TRPC4: variants seen among roughly 807,000 people sequenced by gnomAD.
The protein encoded by TRPC4 is transient receptor potential cation channel subfamily C member 4.
In TRPC4, 49 loss-of-function variants were observed where a neutral mutation model predicts 99.4. That is an observed-to-expected ratio of 0.49 (90% CI 0.39 to 0.63). The LOEUF is 0.63. Among genes scored for constraint, TRPC4 ranks in the 20% least tolerant of loss-of-function variants. The pLI is 0.00. For synonymous variants in TRPC4, 454 were observed against 425.9 expected (o/e 1.07, Z -0.81); for missense variants, 898 against 1,152.9 (o/e 0.78, Z 3.20).
intron 3 of TRPC4, among the ~76,000 whole-genome samples, chr13:37,714,035 GCTTC>G (rs778527036): frequency 1.3e-5 from 2 of 151,334 alleles, no homozygotes; most frequent in Admixed American, 6.6e-5. Flanking sequence ...ACCCAAGCTT[GCTTC>G]CTTCCTTCCT....
intron 1 of TRPC4, among the ~76,000 whole-genome samples, chr13:37,830,553 A>G (rs538620030): frequency 6.6e-6 from 1 of 151,698 alleles, no homozygotes; most frequent in Admixed American, 6.6e-5. Context: ...TCTCTACTAA[A>G]AATACAAAAT....
At chr13:37,820,083 A>G (rs919632491) in intron 1 of TRPC4, among the ~76,000 whole-genome samples, 2 of 152,036 alleles carry the variant, frequency 1.3e-5, no homozygotes, top group African/African-American at 2.4e-5. Flanking sequence ...AGATCCAAAT[A>G]AACTCAATCA....
rs566904287 is a variant in TRPC4, at chr13:37,698,104, T to C, written c.898-5769A>G. 5.2e-4 allele frequency among the ~76,000 whole-genome samples: 77 copies of C among 148,470 alleles called. No homozygotes were observed. The South Asian group carries it at 5.4e-3, about 10-fold the overall frequency. ...CCACCCCAGTATCTGATTCAGTAGG[T>C]ACAAGGTGAGGCCCTAAACTCTGCA... On this transcript the variant is annotated intron_variant, in intron 3 of 10. Transcript: ENST00000379705.
intron 6 of TRPC4, among the ~76,000 whole-genome samples, chr13:37,659,302 C>G (rs910099211): frequency 2.0e-4 from 30 of 152,108 alleles, no homozygotes; most frequent in African/African-American, 7.2e-4. Flanking sequence ...GCACCTCCCT[C>G]CCTCGCTTCC....
chr13:37,740,121 A>G (rs1955536340), intron 3 of TRPC4, among the ~76,000 whole-genome samples: 1 of 152,190 alleles, frequency 6.6e-6, no homozygotes, highest in Non-Finnish European at 1.5e-5. Context: ...CTTATGAGAC[A>G]GCAAGGATGC....
intron 3 of TRPC4, among the ~76,000 whole-genome samples, chr13:37,712,326 C>T (rs1033921891): frequency 6.6e-6 from 1 of 152,126 alleles, no homozygotes; most frequent in African/African-American, 2.4e-5. Flanking sequence ...TATAGAGCCC[C>T]TTTTATAGTG....
chr13:37,805,690 C>T (rs1042556545), intron 1 of TRPC4, among the ~76,000 whole-genome samples: 3 of 151,924 alleles, frequency 2.0e-5, no homozygotes. Flanking sequence ...ACTAAATACA[C>T]CCATAATTAT....
chr13:37,766,678 G>A (rs781277260), intron 2 of TRPC4, among the ~76,000 whole-genome samples: 17 of 151,520 alleles, frequency 1.1e-4, no homozygotes, highest in Admixed American at 2.0e-4. Context: ...CAGTAGACAT[G>A]TGGCTGGGTC....
chr13:37,699,051 A>G (rs376457016), intron 3 of TRPC4, among the ~76,000 whole-genome samples: 1 of 152,164 alleles, frequency 6.6e-6, no homozygotes, highest in Non-Finnish European at 1.5e-5. Flanking sequence ...GAGAAATCCC[A>G]TTGGGATTTG....
rs772035382 is a variant in TRPC4, at chr13:37,663,594, G to A, written c.1510C>T (p.Pro504Ser). 1 of 1,614,196 alleles carries A rather than the reference G, an allele frequency of 6.2e-7. No homozygotes were observed. The highest frequency in any genetic ancestry group is 1.1e-5 in the South Asian group (1 of 91,090). The change falls in exon 6 of 11, where the codon CCT becomes TCT. Residue 504 changes from proline (P) to serine (S), a missense_variant. Pro to Ser is a moderately conservative substitution (Grantham distance 74, BLOSUM62 -1). This residue lies in a region of TRPC4 where 274 missense variants were observed against 454.9 expected (regional missense o/e 0.60). Transcript: ENST00000379705. ...ATTCTTCCCAGAGATATTTGCAGAGGTCCCAGGTGAGAATTTGCAGTAAAC... is the reference window on the plus strand; with the variant it reads ...ATTCTTCCCAGAGATATTTGCAGAGATCCCAGGTGAGAATTTGCAGTAAAC... ...SLFTANSHLG[P>S]LQISLGRMLL...
rs369595209 is a variant in TRPC4, at chr13:37,792,814, A to G, written c.-27-9454T>C. 6.8e-4 allele frequency among the ~76,000 whole-genome samples: 104 copies of G among 152,088 alleles called. 1 individual carries two copies. Among genetic ancestry groups the G allele is most frequent in the Non-Finnish European group, 1.2e-3 (81 of 67,988 alleles). On this transcript the variant is annotated intron_variant, in intron 1 of 10. Transcript: ENST00000379705. ...AAAATGCTTAAATTTGGATGCATAT[A>G]TAGAATTTTTGATAAATATGTGATC... is the stretch of plus-strand genomic sequence containing the variant.
chr13:37,777,448 G>A lies in TRPC4; in HGVS notation c.378+5508C>T, dbSNP rs189293542. On this transcript the variant is annotated intron_variant, in intron 2 of 10. Transcript: ENST00000379705. The stretch of plus-strand genomic sequence containing the variant: ...GAAGTCTATCACAGGACAGCACTAG[G>A]GAGATGGTACTAAACCATTAGAAAT... 4.6e-4 allele frequency among the ~76,000 whole-genome samples: 70 copies of A among 151,954 alleles called. No individual in the cohort carries two copies. The East Asian group carries it at 0.013, about 28-fold the overall frequency.
intron 5 of TRPC4, among the ~76,000 whole-genome samples, chr13:37,669,261 G>A (rs1167852320): frequency 6.6e-6 from 1 of 152,140 alleles, no homozygotes; most frequent in Non-Finnish European, 1.5e-5. Context: ...AGATAAATAT[G>A]AGAAGTGTTA....
At chr13:37,862,646 AAT>A in intron 1 of TRPC4, among the ~76,000 whole-genome samples, 1 of 151,812 alleles carries the variant, frequency 6.6e-6, no homozygotes, top group East Asian at 1.9e-4. Context: ...ATCAGGAGAA[AAT>A]AAGGTTGCCA....
At chr13:37,686,392 G>A (rs1311987154) in intron 4 of TRPC4, among the ~76,000 whole-genome samples, 12 of 151,728 alleles carry the variant, frequency 7.9e-5, no homozygotes, top group Non-Finnish European at 2.9e-5. Context: ...ATACATATAT[G>A]TGTAAAAACC....
intron 2 of TRPC4, among the ~76,000 whole-genome samples, chr13:37,768,946 G>A (rs1013313797): frequency 6.6e-6 from 1 of 151,280 alleles, no homozygotes; most frequent in Admixed American, 6.6e-5. Flanking sequence ...AATTCATTTT[G>A]CTAGACAATT....
intron 3 of TRPC4, among the ~76,000 whole-genome samples, chr13:37,745,458 A>ATATGCGTATATATATATATATATGCG (rs1555265729): frequency 4.6e-4 from 3 of 6,584 alleles, no homozygotes; most frequent in African/African-American, 1.2e-3. Context: ...ATATATATAT[A>ATATGCGTATATATATATATATATGCG]TATATATATA....
At chr13:37,846,646 A>G in intron 1 of TRPC4, among the ~76,000 whole-genome samples, 1 of 51,110 alleles carries the variant, frequency 2.0e-5, no homozygotes, top group East Asian at 6.5e-4. Context: ...AAAGAGAGGA[A>G]GAAAAAAAAA....
chr13:37,745,484 ACACAC>A, intron 3 of TRPC4, among the ~76,000 whole-genome samples: 9 of 139,978 alleles, frequency 6.4e-5, no homozygotes, highest in African/African-American at 1.9e-4. Flanking sequence ...ACACACACAC[ACACAC>A]TTATATATAC....
Sources: allele counts gnomAD v4.1 joint callset (sites outside exome capture counted in the v4.1 genomes callset), GRCh38; gene constraint gnomAD v4.1.1; regional missense constraint gnomAD v4.1.1; transcripts MANE v1.5; gene names NCBI Gene and HGNC (gene_info 2026-07-23, HGNC 2026-07-21).